The following ATP13A3 variants were observed in gnomAD, a reference collection of about 807,000 sequenced individuals.
ATP13A3 encodes ATPase 13A3.
ATP13A3 carries 59 observed loss-of-function variants against 158.1 expected under a neutral mutation model. The ratio of observed to expected loss-of-function variants is 0.37; its 90% CI spans 0.30 to 0.46. The LOEUF (loss-of-function observed/expected upper bound fraction) is 0.46, where lower values mean the gene tolerates loss of function less well. ATP13A3 is among the 20% of genes least tolerant of loss of function. The probability of loss-of-function intolerance (pLI) is 1.00; values close to 1 mark genes in which losing one functional copy is unlikely to be tolerated. For synonymous variants in ATP13A3, 491 were observed against 504.3 expected (o/e 0.97, Z 0.35); for missense variants, 1,166 against 1,525.2 (o/e 0.76, Z 3.92).
intron 2 of ATP13A3, among the ~76,000 whole-genome samples, chr3:194,476,703 C>T (rs1474618555): frequency 2.0e-5 from 3 of 152,066 alleles, no homozygotes; most frequent in African/African-American, 7.3e-5. Flanking sequence ...ACTTCAGTAG[C>T]TTCCCGTTGT....
intron 20 of ATP13A3, among the ~76,000 whole-genome samples, chr3:194,435,104 T>G (rs1371809462): frequency 6.6e-6 from 1 of 152,194 alleles, no homozygotes; most frequent in Non-Finnish European, 1.5e-5. Context: ...GAAGTATGTA[T>G]CTATGAAATC....
intron 30 of ATP13A3, among the ~76,000 whole-genome samples, chr3:194,424,910 G>A (rs1716647149): frequency 6.6e-6 from 1 of 152,136 alleles, no homozygotes; most frequent in South Asian, 2.1e-4. Context: ...CAGACCGCCC[G>A]GGAGGAAAGT....
At chr3:194,444,919 T>TA (rs1266023647) in intron 14 of ATP13A3, 133 bp from the exon 15 acceptor site, 2 of 620,658 alleles carry the variant, frequency 3.2e-6, no homozygotes, top group East Asian at 3.0e-5. Context: ...TCTACAGAGT[T>TA]AAAAAAAGAA....
rs397972334 is a variant in ATP13A3 at position 194,421,944 on chromosome 3, C to CAAAAAAAAAAAAAAAA, written c.3314-1993_3314-1978dup. Among the ~76,000 whole-genome samples the CAAAAAAAAAAAAAAAA allele has an allele frequency of 2.1e-3, 206 of 97,438 alleles. 11 individuals are homozygous for CAAAAAAAAAAAAAAAA. Among genetic ancestry groups the CAAAAAAAAAAAAAAAA allele is most frequent in the African/African-American group, 8.4e-3 (194 of 23,096 alleles). The allele number at this position is 97,438 out of a possible 152,430, so 63.9% of individuals were successfully genotyped here. A position where few individuals can be genotyped will look rare whatever the true frequency, so the allele number is the denominator to read the frequency against. On this transcript the variant is annotated intron_variant, in intron 30 of 33. Coordinates refer to ENST00000645319, the MANE Select transcript of ATP13A3 (RefSeq NM_001367549.1). ...TGGTTCTTGACATGTGTGTCGTTGG[C>CAAAAAAAAAAAAAAAA]AAAAAAAAAAAAAAAAAATTTACTC...
At chr3:194,426,209 T>G (rs1447894012) in intron 29 of ATP13A3, among the ~76,000 whole-genome samples, 2 of 152,116 alleles carry the variant, frequency 1.3e-5, no homozygotes, top group African/African-American at 2.4e-5. Context: ...GCATGTGCAG[T>G]GTTTCTACGC....
chr3:194,448,100 C>G lies in ATP13A3; in HGVS notation c.1151-91G>C. On this transcript the variant is annotated intron_variant, in intron 12 of 33. Transcript: ENST00000645319. The surrounding 1 kb of genome is among the most constrained non-coding windows in gnomAD (Gnocchi z 4.0). The stretch of plus-strand genomic sequence containing the variant: ...AATCTCTCTTTTTTTTTTTTTGAGA[C>G]AGAGTCTCGCTCTGTCACCCAGGCT... 1 of 1,233,142 alleles carries G rather than the reference C, an allele frequency of 8.1e-7. No homozygotes were observed. The allele number at this position is 1,233,142 out of a possible 1,614,324, so 76.4% of individuals were successfully genotyped here.
At chr3:194,444,154 C>T (rs1291490567) in intron 15 of ATP13A3, among the ~76,000 whole-genome samples, 2 of 152,198 alleles carry the variant, frequency 1.3e-5, no homozygotes, top group African/African-American at 4.8e-5. Context: ...ACGGCCCAGC[C>T]TTTCCATTTA....
intron 2 of ATP13A3, among the ~76,000 whole-genome samples, chr3:194,484,319 G>A (rs755645157): frequency 6.6e-6 from 1 of 152,178 alleles, no homozygotes; most frequent in Non-Finnish European, 1.5e-5. Flanking sequence ...AAAGAAAGGA[G>A]CACTTTTCCT....
At chr3:194,487,074 G>C (rs1193416963), upstream of ATP13A3, 1 of 151,964 alleles carries the variant, frequency 6.6e-6, no homozygotes, top group African/African-American at 2.4e-5. Context: ...GGCGACGTCA[G>C]GAGGCGGGGA....
intron 2 of ATP13A3, among the ~76,000 whole-genome samples, chr3:194,479,423 T>G (rs961679228): frequency 6.6e-6 from 1 of 152,070 alleles, no homozygotes; most frequent in Non-Finnish European, 1.5e-5. Flanking sequence ...TTCTATCTTT[T>G]GTGCTTAGGA....
intron 2 of ATP13A3, 47 bp from the exon 3 acceptor site, chr3:194,462,283 A>G: frequency 8.1e-7 from 1 of 1,232,036 alleles, no homozygotes; most frequent in Non-Finnish European, 1.2e-6. Flanking sequence ...CTTCTATCTT[A>G]GTAGACGATA....
chr3:194,465,175 C>T (rs77263884), intron 2 of ATP13A3, among the ~76,000 whole-genome samples: 3,589 of 152,230 alleles, frequency 0.024, 146 homozygotes, highest in African/African-American at 0.083. Flanking sequence ...AGCCCTACAA[C>T]TGTCCCAGTT....
At chr3:194,438,756 T>C (rs943501894) in intron 17 of ATP13A3, 100 bp downstream of exon 17, 5 of 729,012 alleles carry the variant, frequency 6.9e-6, no homozygotes, top group Non-Finnish European at 6.0e-6. Context: ...CTGGGCAACA[T>C]AGCAAGACCT....
intron 2 of ATP13A3, among the ~76,000 whole-genome samples, chr3:194,465,699 C>G (rs1288934989): frequency 6.6e-6 from 1 of 152,120 alleles, no homozygotes; most frequent in African/African-American, 2.4e-5. Context: ...GGCGCAGGCT[C>G]ACGTTTGTAA....
At chr3:194,458,918 T>G (rs1719441720) in intron 6 of ATP13A3, 1 of 152,218 alleles carries the variant, frequency 6.6e-6, no homozygotes, top group Non-Finnish European at 1.5e-5. Flanking sequence ...CCTTTGGCAC[T>G]CTAAAGCAAC....
rs778531193 is a variant in ATP13A3 at position 194,438,991 on chromosome 3, C to T, written c.1711-19G>A. 4.4e-6 allele frequency: 6 copies of T among 1,364,236 alleles called. No individual in the cohort carries two copies. Among genetic ancestry groups the T allele is most frequent in the Non-Finnish European group, 6.0e-6 (6 of 999,264 alleles). The allele number at this position is 1,364,236 out of a possible 1,614,324, so 84.5% of individuals were successfully genotyped here. ...CCAGAATCTGGAAAAAAAAAAGAGA[C>T]AAAAAAAAACAAAAACACAACATTC... On this transcript the variant is annotated intron_variant, in intron 16 of 33. Coordinates refer to ENST00000645319, the MANE Select transcript of ATP13A3 (RefSeq NM_001367549.1).
intron 2 of ATP13A3, among the ~76,000 whole-genome samples, chr3:194,462,522 T>C (rs564786303): frequency 6.6e-6 from 1 of 152,300 alleles, no homozygotes; most frequent in East Asian, 1.9e-4. Context: ...CTTATGAGAA[T>C]CTAATGCCTG....
chr3:194,454,436 G>A, intron 8 of ATP13A3, 44 bp from the exon 9 acceptor site: 1 of 1,528,760 alleles, frequency 6.5e-7, no homozygotes, highest in South Asian at 1.1e-5. Flanking sequence ...AGGTATTAAT[G>A]ACCATACAGA....
At chr3:194,486,329 C>T (rs1312947004) in intron 1 of ATP13A3, among the ~76,000 whole-genome samples, 1 of 152,142 alleles carries the variant, frequency 6.6e-6, no homozygotes, top group African/African-American at 2.4e-5. Flanking sequence ...AACCACCAAG[C>T]GCCCGGCCCC....
Sources: gnomAD v4.1 joint callset for allele counts (sites outside exome capture counted in the v4.1 genomes callset) on GRCh38, gnomAD v4.1.1 for gene constraint, Gnocchi (gnomAD v3.1) non-coding constraint, MANE v1.5 for transcripts, NCBI Gene and HGNC (gene_info 2026-07-23, HGNC 2026-07-21) for gene names.